REC114: variants seen among roughly 807,000 people sequenced by gnomAD.
REC114 encodes the protein meiotic recombination protein REC114.
In REC114, 27 loss-of-function variants were observed where a neutral mutation model predicts 31.3. The ratio of observed to expected loss-of-function variants is 0.86; its 90% CI spans 0.64 to 1.19. The LOEUF (loss-of-function observed/expected upper bound fraction) is 1.19, where lower values mean the gene tolerates loss of function less well. Ranked by LOEUF, REC114 falls within the 50% of genes most tolerant of loss-of-function variation. REC114 has a pLI of 0.00. For missense variants in REC114, 344 were observed against 326.9 expected, an observed-to-expected ratio of 1.05 and a Z score of -0.40; for synonymous variants, 134 against 127.7, an observed-to-expected ratio of 1.05 and a Z score of -0.33.
intron 2 of REC114, among the ~76,000 whole-genome samples, chr15:73,537,524 T>G (rs937122196): frequency 3.3e-5 from 5 of 152,212 alleles, no homozygotes; most frequent in African/African-American, 1.2e-4. Flanking sequence ...GTGGTCTCCT[T>G]GCAGGTTCCC....
At chr15:73,484,502 G>A (rs7175715) in intron 2 of REC114, among the ~76,000 whole-genome samples, 3 of 152,246 alleles carry the variant, frequency 2.0e-5, no homozygotes, top group East Asian at 3.9e-4. Context: ...AGTGGAATTC[G>A]TAACTCCTTT....
At chr15:73,548,113 CT>C (rs1005025989) in intron 3 of REC114, among the ~76,000 whole-genome samples, 1 of 151,726 alleles carries the variant, frequency 6.6e-6, no homozygotes, top group African/African-American at 2.4e-5. Context: ...TGAATAGACA[CT>C]TTTTTTTTCT....
At chr15:73,484,794 A>G (rs796815206) in intron 2 of REC114, among the ~76,000 whole-genome samples, 15 of 152,306 alleles carry the variant, frequency 9.8e-5, no homozygotes, top group African/African-American at 3.6e-4. Context: ...GACAATTTTA[A>G]TTCTGTTTGT....
chr15:73,544,536 C>A (rs560549255), intron 3 of REC114, among the ~76,000 whole-genome samples: 57 of 151,958 alleles, frequency 3.8e-4, no homozygotes, highest in Non-Finnish European at 4.4e-4. Context: ...TCCCTTTTTC[C>A]AGCAATTCTG....
chr15:73,559,685 C>T, intron 5 of REC114, 67 bp from the exon 6 acceptor site: 2 of 1,401,728 alleles, frequency 1.4e-6, no homozygotes, highest in South Asian at 1.6e-5. Flanking sequence ...CACTATTTGC[C>T]TGTGTTCTAT....
At chr15:73,502,683 A>G (rs567254736) in intron 2 of REC114, among the ~76,000 whole-genome samples, 12 of 152,262 alleles carry the variant, frequency 7.9e-5, no homozygotes, top group South Asian at 6.2e-4. Flanking sequence ...AAATCTGCCT[A>G]TACATGGACC....
intron 1 of REC114, among the ~76,000 whole-genome samples, chr15:73,471,275 G>A (rs1893128648): frequency 6.6e-6 from 1 of 152,198 alleles, no homozygotes; most frequent in Non-Finnish European, 1.5e-5. Context: ...TTTGAAGATA[G>A]ACATGAAGGA....
intron 4 of REC114, among the ~76,000 whole-genome samples, chr15:73,553,613 A>T (rs1436337950): frequency 6.6e-6 from 1 of 152,206 alleles, no homozygotes; most frequent in African/African-American, 2.4e-5. Flanking sequence ...CAGGCTACAC[A>T]ATTATCTAAG....
intron 2 of REC114, among the ~76,000 whole-genome samples, chr15:73,500,364 A>AC (rs989850667): frequency 1.7e-4 from 26 of 152,034 alleles, no homozygotes; most frequent in African/African-American, 6.0e-4. Flanking sequence ...AAAAAAAAAA[A>AC]AAAACTTGTT....
rs374263335 is a variant in REC114 at position 73,443,240 on chromosome 15, G to C, written c.55G>C (p.Ala19Pro). 20 of 1,574,168 alleles carry C rather than the reference G, an allele frequency of 1.3e-5. No homozygotes were observed. The highest frequency in any genetic ancestry group is 3.3e-4 in the Middle Eastern group (2 of 6,032). ...LSLGLTGGEA[A>P]EWPLQRYARC... Reference sequence around the variant, plus strand: ...CCTCGGGCTTACCGGAGGAGAAGCGGCAGAGTGGCCTCTGCAGCGGTACGC... The same window carrying C: ...CCTCGGGCTTACCGGAGGAGAAGCGCCAGAGTGGCCTCTGCAGCGGTACGC... The change falls in exon 1 of 6, where the codon GCA (alanine) becomes CCA (proline). Residue 19 changes from alanine (A) to proline (P), a missense_variant. By Grantham distance (27) the Ala-to-Pro change is conservative. Coordinates refer to ENST00000331090, the MANE Select transcript of REC114 (RefSeq NM_001042367.2).
chr15:73,508,200 T>TTA (rs370888967), intron 2 of REC114, among the ~76,000 whole-genome samples: 2 of 152,270 alleles, frequency 1.3e-5, no homozygotes, highest in Non-Finnish European at 2.9e-5. Flanking sequence ...AATGAATAAA[T>TTA]GAATAGAGTA....
intron 1 of REC114, among the ~76,000 whole-genome samples, chr15:73,446,504 G>A (rs1257302318): frequency 6.6e-6 from 1 of 152,156 alleles, no homozygotes; most frequent in Non-Finnish European, 1.5e-5. Flanking sequence ...GCCGGGTGTA[G>A]TGGTGCCTGC....
chr15:73,529,127 T>C (rs530605542), intron 2 of REC114, among the ~76,000 whole-genome samples: 1 of 151,326 alleles, frequency 6.6e-6, no homozygotes, highest in Non-Finnish European at 1.5e-5. Context: ...ATTTTTATTA[T>C]TTATTTATTT....
chr15:73,490,372 T>C (rs187916972), intron 2 of REC114, among the ~76,000 whole-genome samples: 315 of 152,360 alleles, frequency 2.1e-3, no homozygotes, highest in Middle Eastern at 3.4e-3. Context: ...GGTTTGTCAT[T>C]GACTATTCTT....
chr15:73,541,370 A>C (rs116725877), intron 3 of REC114, among the ~76,000 whole-genome samples: 2,263 of 152,294 alleles, frequency 0.015, 79 homozygotes, highest in African/African-American at 0.051. Context: ...TGTTTCTGAC[A>C]TCTCAAATGT....
At chr15:73,556,467 A>C (rs922687) in intron 5 of REC114, 76 bp downstream of exon 5, 696,936 of 1,260,908 alleles carry the variant, frequency 0.55, 194,115 homozygotes, top group East Asian at 0.59. Flanking sequence ...CCTTTGTTCA[A>C]TTCTTTGTTT....
Position 73,550,932 on chromosome 15 carries a change from A to C in REC114, c.334-6A>C. On this transcript the variant is annotated splice_polypyrimidine_tract_variant and splice_region_variant and intron_variant, in intron 3 of 5. Transcript: ENST00000331090. ...CTCTCATGATAACTTTTGATTTGTC[A>C]AACAGGACAAGAGTCGCCTGTTTCG... The C allele has an allele frequency of 1.2e-6, 2 of 1,613,752 alleles. No individual in the cohort carries two copies. The highest frequency in any genetic ancestry group is 1.3e-5 in the African/African-American group (1 of 75,038).
At chr15:73,524,800 T>C (rs897706315) in intron 2 of REC114, among the ~76,000 whole-genome samples, 3 of 152,164 alleles carry the variant, frequency 2.0e-5, no homozygotes, top group African/African-American at 7.2e-5. Context: ...GGTTTTGCCA[T>C]GCTGGCCAGA....
At chr15:73,465,784 T>C (rs1372274453) in intron 1 of REC114, among the ~76,000 whole-genome samples, 1 of 152,154 alleles carries the variant, frequency 6.6e-6, no homozygotes, top group East Asian at 1.9e-4. Context: ...ATAGGAAAAA[T>C]ACAGTATAAG....
Sources: allele counts gnomAD v4.1 joint callset (sites outside exome capture counted in the v4.1 genomes callset), GRCh38; gene constraint gnomAD v4.1.1; transcripts MANE v1.5; gene names NCBI Gene and HGNC (gene_info 2026-07-23, HGNC 2026-07-21).